The following THUMPD2 variants were observed in gnomAD, a reference collection of about 807,000 sequenced individuals.
The protein encoded by THUMPD2 is THUMP domain 2 tRNA and snRNA guanosine methyltransferase.
In THUMPD2, 56 loss-of-function variants were observed where a neutral mutation model predicts 49.4. The ratio of observed to expected loss-of-function variants is 1.13; its 90% CI spans 0.91 to 1.41. The LOEUF (loss-of-function observed/expected upper bound fraction) is 1.41, where lower values mean the gene tolerates loss of function less well. Ranked by LOEUF, THUMPD2 falls within the 40% of genes most tolerant of loss-of-function variation. The pLI is 0.00. For missense variants in THUMPD2, 709 were observed against 594.5 expected (o/e 1.19, Z -2.00); for synonymous variants, 237 against 205.2 (o/e 1.15, Z -1.32).
chr2:39,771,402 A>G (rs1236573497), intron 2 of THUMPD2, 103 bp downstream of exon 2: 2 of 1,147,272 alleles, frequency 1.7e-6, no homozygotes, highest in African/African-American at 3.2e-5. Context: ...CACACATGTC[A>G]ATGAATATTA....
chr2:39,768,526 A>C, intron 3 of THUMPD2, 25 bp from the exon 4 acceptor site: 1 of 1,572,548 alleles, frequency 6.4e-7, no homozygotes, highest in African/African-American at 1.4e-5. Flanking sequence ...AGTTAAAGAA[A>C]AGAATACTAA....
intron 9 of THUMPD2, among the ~76,000 whole-genome samples, chr2:39,742,616 G>A (rs538234437): frequency 3.9e-5 from 6 of 152,254 alleles, no homozygotes; most frequent in South Asian, 2.1e-4. Context: ...AATGTAAATC[G>A]TTGCTCACAC....
At chr2:39,754,752 T>G (rs1675872065) in intron 8 of THUMPD2, among the ~76,000 whole-genome samples, 1 of 152,232 alleles carries the variant, frequency 6.6e-6, no homozygotes, top group Admixed American at 6.5e-5. Context: ...AACAGGGTAC[T>G]GTTTTCCCTC....
chr2:39,739,895 C>T (rs1262324298), intron 9 of THUMPD2, among the ~76,000 whole-genome samples: 1 of 152,170 alleles, frequency 6.6e-6, no homozygotes, highest in African/African-American at 2.4e-5. Flanking sequence ...GTTTAGCAAT[C>T]ATGTATCAAA....
At chr2:39,773,057 G>A (rs1331790575) in intron 1 of THUMPD2, among the ~76,000 whole-genome samples, 1 of 152,158 alleles carries the variant, frequency 6.6e-6, no homozygotes, top group Non-Finnish European at 1.5e-5. Flanking sequence ...TGAAAAGAAT[G>A]TTTAGGAATC....
At chr2:39,779,087 C>T (rs1252438005) in intron 1 of THUMPD2, 27 bp downstream of exon 1, 2 of 1,494,266 alleles carry the variant, frequency 1.3e-6, no homozygotes, top group East Asian at 2.8e-5. Flanking sequence ...CGCCCACCTC[C>T]CCAGGCGCGC....
chr2:39,764,549 C>T (rs1386886103), intron 5 of THUMPD2, among the ~76,000 whole-genome samples: 1 of 152,166 alleles, frequency 6.6e-6, no homozygotes, highest in Non-Finnish European at 1.5e-5. Context: ...CAAATATGAA[C>T]AATGTCTTTA....
chr2:39,754,004 A>C (rs566733608), intron 8 of THUMPD2, among the ~76,000 whole-genome samples: 22 of 152,278 alleles, frequency 1.4e-4, no homozygotes, highest in Middle Eastern at 3.4e-3. Context: ...TTTTTAAATG[A>C]AATCTTTTAG....
intron 4 of THUMPD2, among the ~76,000 whole-genome samples, chr2:39,767,209 G>C (rs1432264706): frequency 6.6e-6 from 1 of 152,126 alleles, no homozygotes; most frequent in African/African-American, 2.4e-5. Context: ...AATTGAATTT[G>C]CTATATTTAT....
chr2:39,737,499 T>A (rs1194585139), intron 9 of THUMPD2, among the ~76,000 whole-genome samples: 1 of 152,198 alleles, frequency 6.6e-6, no homozygotes, highest in African/African-American at 2.4e-5. Context: ...TTGAGGAGAA[T>A]GCATTTACTC....
chr2:39,751,404 A>C (rs905077649), intron 8 of THUMPD2, among the ~76,000 whole-genome samples: 2 of 152,232 alleles, frequency 1.3e-5, no homozygotes, highest in African/African-American at 2.4e-5. Context: ...ATGTGTGACC[A>C]GCTACAGAAT....
chr2:39,757,417 G>A, intron 6 of THUMPD2: 1 of 1,301,924 alleles, frequency 7.7e-7, no homozygotes, highest in Non-Finnish European at 1.0e-6. Flanking sequence ...GCCTTCCCCT[G>A]GTACTAAATT....
intron 8 of THUMPD2, among the ~76,000 whole-genome samples, chr2:39,754,033 A>G (rs745420509): frequency 1.1e-4 from 17 of 152,164 alleles, no homozygotes; most frequent in Admixed American, 2.0e-4. Flanking sequence ...CCCTAAAGTG[A>G]AAATACATAA....
Position 39,744,471 on chromosome 2 carries a change from T to C in THUMPD2, c.1086A>G (p.Pro362=). Reference sequence around the variant, plus strand: ...TAATATCAACACTTTCTGAAGGCAATGGCAATTCTGAAATATAGAAATCAG... The same window carrying C: ...TAATATCAACACTTTCTGAAGGCAACGGCAATTCTGAAATATAGAAATCAG... ...ELLKISVIEL[P]LPSESVDIII... The change falls in exon 9 of 10, where the codon CCA becomes CCG. Residue 362 remains proline (P), a synonymous_variant. Coordinates refer to ENST00000505747, the MANE Select transcript of THUMPD2 (RefSeq NM_025264.5). 6.4e-7 allele frequency: 1 copy of C among 1,563,476 alleles called. No individual in the cohort carries two copies. The highest frequency in any genetic ancestry group is 1.4e-5 in the African/African-American group (1 of 71,922).
At position 39,744,458 on chromosome 2, in the gene THUMPD2, T is replaced by G. The variant is rs763998514; in HGVS notation, c.1099A>C (p.Ser367Arg). 2.5e-6 allele frequency: 4 copies of G among 1,577,750 alleles called. No homozygotes were observed. In the South Asian group the frequency reaches 3.6e-5, roughly 14 times the overall value. The stretch of plus-strand genomic sequence containing the variant: ...ATGTCAGAAATAATAATATCAACAC[T>G]TTCTGAAGGCAATGGCAATTCTGAA... ...SVIELPLPSESVDIIISDIPF... is the reference protein window; with the variant it reads ...SVIELPLPSERVDIIISDIPF... The change falls in exon 9 of 10, where the codon AGT becomes CGT. Residue 367 changes from serine to arginine, a missense_variant. Physicochemically the swap from Ser to Arg is moderately radical, Grantham distance 110. Transcript: ENST00000505747.
At chr2:39,759,376 C>T (rs1383027193) in intron 6 of THUMPD2, among the ~76,000 whole-genome samples, 3 of 151,934 alleles carry the variant, frequency 2.0e-5, no homozygotes, top group South Asian at 2.1e-4. Context: ...AATACTTAGA[C>T]ACTTTCTGTA....
chr2:39,777,346 G>T (rs975103459), intron 1 of THUMPD2, among the ~76,000 whole-genome samples: 1 of 152,174 alleles, frequency 6.6e-6, no homozygotes, highest in Non-Finnish European at 1.5e-5. Flanking sequence ...GTACTCTACC[G>T]TGGTGTTACA....
At chr2:39,773,805 G>C (rs1016464140) in intron 1 of THUMPD2, among the ~76,000 whole-genome samples, 1 of 151,818 alleles carries the variant, frequency 6.6e-6, no homozygotes, top group Admixed American at 6.6e-5. Context: ...ATTATTCTAA[G>C]AATTATACAT....
intron 5 of THUMPD2, among the ~76,000 whole-genome samples, chr2:39,765,089 GTTATT>G (rs1018179080): frequency 2.6e-5 from 4 of 152,072 alleles, no homozygotes; most frequent in African/African-American, 9.7e-5. Context: ...TTAAAAATGA[GTTATT>G]TTATTTGGTG....
Sources: allele counts gnomAD v4.1 joint callset (sites outside exome capture counted in the v4.1 genomes callset), GRCh38; gene constraint gnomAD v4.1.1; transcripts MANE v1.5; gene names NCBI Gene and HGNC (gene_info 2026-07-23, HGNC 2026-07-21).